GPATCH2L: variants seen among roughly 807,000 people sequenced by gnomAD.
GPATCH2L encodes the protein G-patch domain containing 2 like, also known as G patch domain-containing protein 2-like.
A neutral mutation model predicts 57.4 loss-of-function variants in GPATCH2L; 31 were observed. That is an observed-to-expected ratio of 0.54 (90% confidence interval 0.41 to 0.73). GPATCH2L has a LOEUF of 0.73. Among genes scored for constraint, GPATCH2L ranks in the 30% least tolerant of loss-of-function variants. The pLI is 0.00. For missense variants in GPATCH2L, 481 were observed against 599.9 expected, an observed-to-expected ratio of 0.80 and a Z score of 2.07; for synonymous variants, 199 against 210.7, an observed-to-expected ratio of 0.94 and a Z score of 0.48.
intron 9 of GPATCH2L, among the ~76,000 whole-genome samples, chr14:76,198,946 T>TTCA (rs2040236043): frequency 6.6e-6 from 1 of 152,202 alleles, no homozygotes; most frequent in African/African-American, 2.4e-5. Flanking sequence ...CATGGTTGGA[T>TTCA]TCAGTAGTTC....
chr14:76,167,932 T>C (rs1019139911), intron 3 of GPATCH2L, among the ~76,000 whole-genome samples: 1 of 152,186 alleles, frequency 6.6e-6, no homozygotes, highest in African/African-American at 2.4e-5. Context: ...GATGCATAAG[T>C]ATAGAGATGG....
At chr14:76,169,784 G>T (rs192212278) in intron 3 of GPATCH2L, among the ~76,000 whole-genome samples, 24 of 152,272 alleles carry the variant, frequency 1.6e-4, no homozygotes, top group Admixed American at 2.6e-4. Context: ...AATAAGAAAA[G>T]AATTAATATA....
chr14:76,173,857 A>G (rs547528888), intron 5 of GPATCH2L: 15 of 525,008 alleles, frequency 2.9e-5, no homozygotes, highest in Non-Finnish European at 5.1e-5. Flanking sequence ...AAACACTGTC[A>G]TTACAGTGTC....
rs1010781078 is a variant in GPATCH2L at position 76,207,945 on chromosome 14, A to G, written c.*6094A>G. The stretch of plus-strand genomic sequence containing the variant: ...GGGAATATGCATAGCTAAAGAGTTC[A>G]TTGTGTTTGCAAAGGTGTACTAGGA... On this transcript the variant is annotated 3_prime_UTR_variant, in exon 10 of 10. Coordinates refer to ENST00000261530, the MANE Select transcript of GPATCH2L (RefSeq NM_017926.4). 3.3e-5 allele frequency: 5 copies of G among 152,190 alleles called. No individual in the cohort carries two copies. Among genetic ancestry groups the G allele is most frequent in the African/African-American group, 1.2e-4 (5 of 41,434 alleles). 9.4% of individuals were successfully genotyped at this position (152,190 alleles called of 1,614,324 possible).
chr14:76,178,200 T>G (rs1477978556), intron 7 of GPATCH2L, 158 bp downstream of exon 7: 1 of 1,457,456 alleles, frequency 6.9e-7, no homozygotes, highest in Admixed American at 2.0e-5. Flanking sequence ...ATCCTGTTTT[T>G]ATTTTAGTTT....
rs546930558 is a variant in GPATCH2L at position 76,182,075 on chromosome 14, C to G, written c.1193+1226C>G. Among the ~76,000 whole-genome samples, 7 of 152,214 alleles carry G rather than the reference C, an allele frequency of 4.6e-5. No homozygotes were observed. The South Asian group carries it at 1.4e-3, about 32-fold the overall frequency. On this transcript the variant is annotated intron_variant, in intron 8 of 9. Coordinates refer to ENST00000261530, the MANE Select transcript of GPATCH2L (RefSeq NM_017926.4). ...AAATGGTGTTATTAAGAATGTTGAA[C>G]TGCCGGGCGCGGTGGCTCACGCCTG...
chr14:76,224,652 A>G (rs2040528929), intron 1 of GPATCH2L, among the ~76,000 whole-genome samples: 1 of 152,164 alleles, frequency 6.6e-6, no homozygotes, highest in African/African-American at 2.4e-5. Flanking sequence ...TACTATTTCT[A>G]TTAAACATTG....
intron 1 of GPATCH2L, among the ~76,000 whole-genome samples, chr14:76,227,708 G>T (rs1225336560): frequency 1.6e-5 from 2 of 128,890 alleles, no homozygotes. Context: ...GAATGCATTG[G>T]ATAAAGTACT....
chr14:76,188,717 C>A (rs2039862010), intron 8 of GPATCH2L, among the ~76,000 whole-genome samples: 1 of 151,934 alleles, frequency 6.6e-6, no homozygotes, highest in Non-Finnish European at 1.5e-5. Flanking sequence ...CAATGTGATC[C>A]CATTTGTCCA....
Position 76,211,158 on chromosome 14 carries a change from T to G in GPATCH2L, c.*9307T>G, listed in dbSNP as rs2139847149. 5.3e-5 allele frequency: 8 copies of G among 152,310 alleles called. 2 individuals carry two copies. In the Middle Eastern group the frequency reaches 0.024, roughly 453 times the overall value. The allele number at this position is 152,310 out of a possible 1,614,324, so 9.4% of individuals were successfully genotyped here. The stretch of plus-strand genomic sequence containing the variant: ...CATGGTTTATTCAGAGCACTGCAAG[T>G]GTTTTAGTATGGCCCACATGTAAAG... On this transcript the variant is annotated 3_prime_UTR_variant, in exon 10 of 10. Transcript: ENST00000261530.
At chr14:76,228,713 C>T (rs184888296) in intron 1 of GPATCH2L, among the ~76,000 whole-genome samples, 1 of 152,334 alleles carries the variant, frequency 6.6e-6, no homozygotes, top group East Asian at 1.9e-4. Context: ...TGTCTCCTCC[C>T]TCTGTGTCCT....
At chr14:76,172,526 T>C (rs2039132694) in intron 4 of GPATCH2L, among the ~76,000 whole-genome samples, 1 of 152,190 alleles carries the variant, frequency 6.6e-6, no homozygotes, top group African/African-American at 2.4e-5. Context: ...TCTTCAATTA[T>C]GATGTAGCAA....
downstream of GPATCH2L, among the ~76,000 whole-genome samples, chr14:76,215,228 A>G (rs2040481836): frequency 1.3e-5 from 2 of 152,078 alleles, no homozygotes; most frequent in South Asian, 4.2e-4. Flanking sequence ...ACCATCTCAC[A>G]CCAGTTAGAA....
chr14:76,208,854 C>T lies in GPATCH2L; in HGVS notation c.*7003C>T, dbSNP rs2040409134. On this transcript the variant is annotated 3_prime_UTR_variant, in exon 10 of 10. Coordinates refer to ENST00000261530, the MANE Select transcript of GPATCH2L (RefSeq NM_017926.4). Reference sequence around the variant, plus strand: ...CCGAGGCAGTGGTTTTTAACCCTGGCTGCATGTTAGGGTCACCTGGGAAGT... The same window carrying T: ...CCGAGGCAGTGGTTTTTAACCCTGGTTGCATGTTAGGGTCACCTGGGAAGT... 1 of 152,196 alleles carries T rather than the reference C, an allele frequency of 6.6e-6. No homozygotes were observed. The highest frequency in any genetic ancestry group is 2.1e-4 in the South Asian group (1 of 4,824). 9.4% of individuals were successfully genotyped at this position (152,196 alleles called of 1,614,324 possible).
chr14:76,166,935 C>G (rs777924292), intron 3 of GPATCH2L, among the ~76,000 whole-genome samples: 11 of 151,956 alleles, frequency 7.2e-5, no homozygotes, highest in Non-Finnish European at 1.5e-4. Flanking sequence ...CCCCTGGAAT[C>G]TGCATTTTTC....
chr14:76,165,119 T>A (rs1445691702), intron 2 of GPATCH2L, among the ~76,000 whole-genome samples: 1 of 152,196 alleles, frequency 6.6e-6, no homozygotes, highest in Non-Finnish European at 1.5e-5. Flanking sequence ...TTTCTAGCAA[T>A]GTTATAATAA....
intron 9 of GPATCH2L, 81 bp downstream of exon 9, chr14:76,196,053 T>A: frequency 1.9e-6 from 2 of 1,033,926 alleles, no homozygotes; most frequent in Non-Finnish European, 3.1e-6. Context: ...CCTTTTCATG[T>A]AATGTTTGTG....
At chr14:76,193,350 G>T (rs1183501391) in intron 8 of GPATCH2L, among the ~76,000 whole-genome samples, 1 of 152,014 alleles carries the variant, frequency 6.6e-6, no homozygotes, top group Non-Finnish European at 1.5e-5. Flanking sequence ...ACGCAAAATG[G>T]TGAAAATGAT....
chr14:76,166,908 A>G (rs1408824680), intron 3 of GPATCH2L, among the ~76,000 whole-genome samples, 181 bp downstream of exon 3: 3 of 152,136 alleles, frequency 2.0e-5, no homozygotes, highest in African/African-American at 4.8e-5. Flanking sequence ...CTAGAAATCA[A>G]ATAGGTCTAG....
Sources: allele counts gnomAD v4.1 joint callset (sites outside exome capture counted in the v4.1 genomes callset), GRCh38; gene constraint gnomAD v4.1.1; transcripts MANE v1.5; gene names NCBI Gene and HGNC (gene_info 2026-07-23, HGNC 2026-07-21).